The following SMU1 variants were observed in gnomAD, a reference collection of about 807,000 sequenced individuals.
SMU1 encodes SMU1 DNA replication regulator and spliceosomal factor.
In SMU1, 2 loss-of-function variants were observed where a neutral mutation model predicts 62.0. The ratio of observed to expected loss-of-function variants is 0.03; its 90% CI spans 0.01 to 0.10. The LOEUF (loss-of-function observed/expected upper bound fraction) is 0.10. SMU1 is among the 10% of genes least tolerant of loss of function. SMU1 has a pLI of 1.00. For missense variants in SMU1, 227 were observed against 622.1 expected (o/e 0.36, Z 6.76); for synonymous variants, 188 against 212.4 (o/e 0.89, Z 1.00).
In SMU1 at chr9:33,073,818, C is replaced by T. The variant is rs1419111459; in HGVS notation, c.27-12G>A. ...TAAGGCGGATCACACTGAAAGAAAA[C>T]AAATCGTTCAGCTCAGGGATTCTCA... is the stretch of plus-strand genomic sequence containing the variant. On this transcript the variant is annotated splice_polypyrimidine_tract_variant and intron_variant, in intron 1 of 11. Transcript: ENST00000397149. 26 of 1,612,382 alleles carry T rather than the reference C, an allele frequency of 1.6e-5. No individual in the cohort carries two copies. Among genetic ancestry groups the T allele is most frequent in the Non-Finnish European group, 2.1e-5 (25 of 1,178,582 alleles).
chr9:33,052,145 A>C (rs989731918), intron 10 of SMU1, among the ~76,000 whole-genome samples: 1 of 152,162 alleles, frequency 6.6e-6, no homozygotes, highest in East Asian at 1.9e-4. Flanking sequence ...AAAAGAATGC[A>C]TGTAAAAACT....
rs1839176137 is a variant in SMU1, at chr9:33,045,680, A to C, written c.*1613T>G. The stretch of plus-strand genomic sequence containing the variant: ...GCCAACATGGCAAAACCCCCGCTCT[A>C]CTAAAAATACAAAAATTAGCCAGGC... On this transcript the variant is annotated 3_prime_UTR_variant, in exon 12 of 12. Coordinates refer to ENST00000397149, the MANE Select transcript of SMU1 (RefSeq NM_018225.3). The C allele has an allele frequency of 6.6e-6, 1 of 152,292 alleles. No homozygotes were observed. Among genetic ancestry groups the C allele is most frequent in the Non-Finnish European group, 1.5e-5 (1 of 68,124 alleles). 9.4% of individuals were successfully genotyped at this position (152,292 alleles called of 1,614,324 possible).
At chr9:33,058,720 A>C (rs1233009272) in intron 6 of SMU1, among the ~76,000 whole-genome samples, 1 of 152,218 alleles carries the variant, frequency 6.6e-6, no homozygotes, top group African/African-American at 2.4e-5. Flanking sequence ...CAAATTCTTG[A>C]AGGGTCAAAA....
intron 5 of SMU1, 44 bp from the exon 6 acceptor site, chr9:33,060,628 G>A: frequency 6.2e-7 from 1 of 1,602,582 alleles, no homozygotes; most frequent in Non-Finnish European, 8.5e-7. Context: ...TTTATCTAGT[G>A]GACTTAAAAC....
Position 33,063,287 on chromosome 9 carries a change from G to A in SMU1, c.502-1110C>T, listed in dbSNP as rs553633051. Among the ~76,000 whole-genome samples the A allele has an allele frequency of 9.2e-5, 14 of 152,154 alleles. No homozygotes were observed. In the East Asian group the frequency reaches 1.4e-3, roughly 15 times the overall value. ...TGAGGCAGGAAAATTGCTTGAACCC[G>A]GGACGCAGAGGTTGCAGTGAGCCAA... On this transcript the variant is annotated intron_variant, in intron 4 of 11. Transcript: ENST00000397149.
chr9:33,060,420 G>C (rs1180360262), intron 6 of SMU1, 45 bp downstream of exon 6: 3 of 1,540,360 alleles, frequency 1.9e-6, no homozygotes, highest in Admixed American at 4.2e-5. Flanking sequence ...ATTCAAAGCA[G>C]GTAATTTTTC....
At position 33,053,279 on chromosome 9, in the gene SMU1, C is replaced by A; in HGVS notation, c.1134G>T (p.Met378Ile). ...SSDGTVKIWN[M>I]KTTECSNTFK... Reference sequence around the variant, plus strand: ...AGGTATTTGAACATTCTGTGGTCTTCATATTCCAGATCTACCACACAGAAA... The same window carrying A: ...AGGTATTTGAACATTCTGTGGTCTTAATATTCCAGATCTACCACACAGAAA... The change falls in exon 10 of 12, where the codon ATG (methionine) becomes ATT (isoleucine). Residue 378 changes from methionine to isoleucine, a missense_variant. Met to Ile is a conservative substitution (Grantham distance 10). Coordinates refer to ENST00000397149, the MANE Select transcript of SMU1 (RefSeq NM_018225.3). 6.2e-7 allele frequency: 1 copy of A among 1,612,734 alleles called. No individual in the cohort carries two copies. Among genetic ancestry groups the A allele is most frequent in the South Asian group, 1.1e-5 (1 of 90,964 alleles).
chr9:33,054,728 G>A (rs1839286424), intron 9 of SMU1, among the ~76,000 whole-genome samples: 3 of 152,214 alleles, frequency 2.0e-5, no homozygotes, highest in Non-Finnish European at 4.4e-5. Flanking sequence ...GAGCTTAGCA[G>A]AAAGCAGATG....
intron 1 of SMU1, among the ~76,000 whole-genome samples, chr9:33,074,790 T>TTTTTG: frequency 6.6e-6 from 1 of 150,750 alleles, no homozygotes; most frequent in Non-Finnish European, 1.5e-5. Flanking sequence ...TTTTTTTTTT[T>TTTTTG]GAGAAATGGT....
chr9:33,049,868 C>T (rs1052188657), intron 10 of SMU1, among the ~76,000 whole-genome samples: 2 of 152,008 alleles, frequency 1.3e-5, no homozygotes, highest in African/African-American at 4.8e-5. Flanking sequence ...AGCCCAGGAG[C>T]TCAAGGATGC....
chr9:33,063,013 C>G (rs1839379949), intron 4 of SMU1, among the ~76,000 whole-genome samples: 1 of 152,202 alleles, frequency 6.6e-6, no homozygotes. Flanking sequence ...AACTCATTCA[C>G]CAGCTATGTC....
intron 4 of SMU1, among the ~76,000 whole-genome samples, chr9:33,063,578 A>G (rs1038523597): frequency 1.3e-5 from 2 of 152,206 alleles, no homozygotes; most frequent in Admixed American, 6.5e-5. Flanking sequence ...TTAGGAACCC[A>G]GCTGTACAGC....
At chr9:33,062,538 C>G (rs573195005) in intron 4 of SMU1, among the ~76,000 whole-genome samples, 20 of 152,300 alleles carry the variant, frequency 1.3e-4, no homozygotes, top group South Asian at 6.2e-4. Flanking sequence ...CTTCCCCCCC[C>G]ACATATGTGT....
In SMU1 at chr9:33,047,383, C is replaced by T. The variant is rs1218812217; in HGVS notation, c.1452G>A (p.Glu484=). 1.9e-6 allele frequency: 3 copies of T among 1,613,630 alleles called. No individual in the cohort carries two copies. The highest frequency in any genetic ancestry group is 2.5e-6 in the Non-Finnish European group (3 of 1,179,748). Residue 484 remains glutamate, a synonymous_variant, in exon 12 of 12, where the codon GAG becomes GAA. Transcript: ENST00000397149. ...GKLERTLTVH[E]KDVIGIAHHP... ...GATGTGCAATACCAATCACATCCTT[C>T]TCGTGCACCTGGAACATGTAAAGCA...
chr9:33,066,354 G>A (rs1166574231), intron 4 of SMU1, among the ~76,000 whole-genome samples: 1 of 152,050 alleles, frequency 6.6e-6, no homozygotes, highest in African/African-American at 2.4e-5. Flanking sequence ...TTATTTCTAT[G>A]CTTCCTTTCT....
intron 10 of SMU1, among the ~76,000 whole-genome samples, chr9:33,049,895 G>T (rs1409289234): frequency 1.3e-5 from 2 of 152,204 alleles, no homozygotes; most frequent in South Asian, 2.1e-4. Flanking sequence ...CTATGATCAT[G>T]CCACTGCACT....
intron 9 of SMU1, among the ~76,000 whole-genome samples, chr9:33,055,391 T>A (rs956404280): frequency 6.6e-6 from 1 of 152,182 alleles, no homozygotes; most frequent in Admixed American, 6.5e-5. Flanking sequence ...TAGATATTTG[T>A]ATTAAAATGT....
At chr9:33,068,161 T>C (rs1335065469) in intron 4 of SMU1, among the ~76,000 whole-genome samples, 1 of 152,202 alleles carries the variant, frequency 6.6e-6, no homozygotes, top group Non-Finnish European at 1.5e-5. Flanking sequence ...ATATAGCTGG[T>C]AAATGAGAAA....
chr9:33,061,181 A>C (rs1360012725), intron 5 of SMU1, among the ~76,000 whole-genome samples: 2 of 152,202 alleles, frequency 1.3e-5, no homozygotes, highest in Non-Finnish European at 2.9e-5. Flanking sequence ...TAACAGATGA[A>C]AACTACAGAA....
Sources: gnomAD v4.1 joint callset for allele counts (sites outside exome capture counted in the v4.1 genomes callset) on GRCh38, gnomAD v4.1.1 for gene constraint, MANE v1.5 for transcripts, NCBI Gene and HGNC (gene_info 2026-07-23, HGNC 2026-07-21) for gene names.